Variants in DYM observed in about 807,000 individuals in gnomAD.
DYM encodes dyggve-Melchior-Clausen syndrome protein.
A neutral mutation model predicts 93.1 loss-of-function variants in DYM; 78 were observed. The ratio of observed to expected loss-of-function variants is 0.84; its 90% CI spans 0.70 to 1.01. The LOEUF (loss-of-function observed/expected upper bound fraction) is 1.01. DYM is among the 50% of genes least tolerant of loss of function. DYM has a pLI of 0.00. For synonymous variants in DYM, 321 were observed against 319.7 expected (o/e 1.00, Z -0.04); for missense variants, 789 against 845.0 (o/e 0.93, Z 0.82).
chr18:49,037,753 T>C lies in DYM; in HGVS notation c.*6302A>G, dbSNP rs1870749599. Among the ~76,000 whole-genome samples, 1 of 152,216 alleles carries C rather than the reference T, an allele frequency of 6.6e-6. No homozygotes were observed. The highest frequency in any genetic ancestry group is 6.5e-5 in the Admixed American group (1 of 15,282). ...CAAAAATATGAGGATTATAAAATTATCTTTTTGTAAATAATTAGTCTTGAT... is the reference window on the plus strand; with the variant it reads ...CAAAAATATGAGGATTATAAAATTACCTTTTTGTAAATAATTAGTCTTGAT... On this transcript the variant is annotated 3_prime_UTR_variant, in exon 18 of 18. Transcript: ENST00000675505.
chr18:49,340,967 T>C (rs2064071476), intron 6 of DYM, among the ~76,000 whole-genome samples: 2 of 152,074 alleles, frequency 1.3e-5, no homozygotes, highest in Admixed American at 6.5e-5. Flanking sequence ...AAATGGAAAA[T>C]TGCCATATAT....
At chr18:49,414,784 C>T (rs2072726183) in intron 2 of DYM, among the ~76,000 whole-genome samples, 3 of 152,168 alleles carry the variant, frequency 2.0e-5, no homozygotes, top group Non-Finnish European at 4.4e-5. Context: ...CACTCCGCTT[C>T]GCTTTTCTTC....
chr18:49,168,933 C>A (rs931111149), intron 14 of DYM, among the ~76,000 whole-genome samples: 1 of 152,030 alleles, frequency 6.6e-6, no homozygotes, highest in Non-Finnish European at 1.5e-5. Flanking sequence ...ATACCCATAA[C>A]TTATAAGGCA....
intron 8 of DYM, among the ~76,000 whole-genome samples, chr18:49,287,765 A>G (rs959305746): frequency 2.0e-5 from 3 of 146,492 alleles, no homozygotes; most frequent in Non-Finnish European, 3.0e-5. Context: ...GAATTGCTTG[A>G]ACCCAGGAAG....
intron 8 of DYM, among the ~76,000 whole-genome samples, chr18:49,306,192 A>T (rs75649761): frequency 0.014 from 2,180 of 152,340 alleles, 55 homozygotes; most frequent in African/African-American, 0.049. Flanking sequence ...AACAAGCCTG[A>T]CAGGTCATTT....
At chr18:49,456,197 G>A (rs926983910) in intron 1 of DYM, among the ~76,000 whole-genome samples, 2 of 152,200 alleles carry the variant, frequency 1.3e-5, no homozygotes, top group East Asian at 1.9e-4. Context: ...GGTTAACAGT[G>A]TAAGAAACTA....
chr18:49,335,068 T>C lies in DYM; in HGVS notation c.495-1215A>G, dbSNP rs960571139. Reference sequence around the variant, plus strand: ...GTTGCAGTGAGCCAAGATCGTGCCATTGCACTCCAGCCTTGGCGATAAGAG... The same window carrying C: ...GTTGCAGTGAGCCAAGATCGTGCCACTGCACTCCAGCCTTGGCGATAAGAG... On this transcript the variant is annotated intron_variant, in intron 6 of 17. Transcript: ENST00000675505. 2.0e-5 allele frequency among the ~76,000 whole-genome samples: 3 copies of C among 151,848 alleles called. 1 individual carries two copies. Among genetic ancestry groups the C allele is most frequent in the South Asian group, 4.2e-4 (2 of 4,814 alleles).
At chr18:49,431,438 G>A (rs1230496670) in intron 1 of DYM, among the ~76,000 whole-genome samples, 1 of 152,114 alleles carries the variant, frequency 6.6e-6, no homozygotes, top group Non-Finnish European at 1.5e-5. Flanking sequence ...TAGTATCCAC[G>A]AGGCTCTTCA....
chr18:49,375,320 T>G (rs2067408428), intron 5 of DYM, among the ~76,000 whole-genome samples: 1 of 151,652 alleles, frequency 6.6e-6, no homozygotes, highest in African/African-American at 2.4e-5. Context: ...CACACACATA[T>G]TCATTGTCAT....
intron 13 of DYM, among the ~76,000 whole-genome samples, chr18:49,231,202 T>C (rs945005639): frequency 1.1e-4 from 16 of 152,236 alleles, no homozygotes; most frequent in African/African-American, 3.9e-4. Flanking sequence ...TGTATGCATA[T>C]ATTTAAAGCA....
At chr18:49,118,630 G>T in intron 16 of DYM, 114 bp downstream of exon 16, 1 of 991,486 alleles carries the variant, frequency 1.0e-6, no homozygotes. Context: ...TGCAAATACA[G>T]TTAATGTTGA....
chr18:49,083,029 G>A (rs1217049521), intron 17 of DYM, among the ~76,000 whole-genome samples: 4 of 152,100 alleles, frequency 2.6e-5, no homozygotes, highest in East Asian at 3.8e-4. Flanking sequence ...TGTATTGTGG[G>A]GGTCAGCAAA....
At chr18:49,167,034 G>GCA (rs1491097447) in intron 14 of DYM, among the ~76,000 whole-genome samples, 4 of 145,882 alleles carry the variant, frequency 2.7e-5, no homozygotes, top group Non-Finnish European at 4.5e-5. Context: ...GTGTGTGTGT[G>GCA]CGCGCCTGTG....
At chr18:49,394,887 A>C (rs4939869) in intron 2 of DYM, among the ~76,000 whole-genome samples, 18 of 152,328 alleles carry the variant, frequency 1.2e-4, no homozygotes, top group Admixed American at 1.0e-3. Flanking sequence ...AGAACACACA[A>C]TGGGGAAAGA....
At chr18:49,292,624 A>AAAAAAAAAAAAAAAAAAAAAAAAC (rs1568189068) in intron 8 of DYM, among the ~76,000 whole-genome samples, 8 of 65,056 alleles carry the variant, frequency 1.2e-4, no homozygotes, top group African/African-American at 4.3e-4. Context: ...AAAAAAAAAA[A>AAAAAAAAAAAAAAAAAAAAAAAAC]ACCCCCACAA....
At chr18:49,389,809 A>G (rs1330475631) in intron 3 of DYM, among the ~76,000 whole-genome samples, 2 of 152,178 alleles carry the variant, frequency 1.3e-5, no homozygotes, top group African/African-American at 2.4e-5. Context: ...TATTACAGGC[A>G]TGAGCCACCA....
At chr18:49,107,361 T>G (rs1051982329) in intron 16 of DYM, among the ~76,000 whole-genome samples, 6 of 152,178 alleles carry the variant, frequency 3.9e-5, no homozygotes, top group Non-Finnish European at 1.5e-5. Flanking sequence ...ACTTCCTCCT[T>G]TAGCTAGGAG....
At chr18:49,197,591 A>T (rs1385341644) in intron 14 of DYM, among the ~76,000 whole-genome samples, 1 of 152,182 alleles carries the variant, frequency 6.6e-6, no homozygotes, top group Non-Finnish European at 1.5e-5. Flanking sequence ...TTAAAAATTT[A>T]TCTATTATAG....
chr18:49,328,016 C>T (rs1357157325), intron 8 of DYM, among the ~76,000 whole-genome samples: 2 of 152,150 alleles, frequency 1.3e-5, no homozygotes, highest in South Asian at 2.1e-4. Context: ...CTTAAATTAA[C>T]GAGCCAACAT....
Sources: gnomAD v4.1 joint callset for allele counts (sites outside exome capture counted in the v4.1 genomes callset) on GRCh38, gnomAD v4.1.1 for gene constraint, MANE v1.5 for transcripts, NCBI Gene and HGNC (gene_info 2026-07-23, HGNC 2026-07-21) for gene names.